Variants in SLC49A3 observed in about 807,000 individuals in gnomAD.
SLC49A3 encodes the protein solute carrier family 49 member A3.
A neutral mutation model predicts 43.8 loss-of-function variants in SLC49A3; 50 were observed. The observed-to-expected ratio is 1.14, with a 90% CI of 0.91 to 1.45. The LOEUF (loss-of-function observed/expected upper bound fraction) is 1.45. Ranked by LOEUF, SLC49A3 falls within the 40% of genes most tolerant of loss-of-function variation. SLC49A3 has a pLI of 0.00. For missense variants in SLC49A3, 906 were observed against 774.1 expected (o/e 1.17, Z -2.02); for synonymous variants, 413 against 352.0 (o/e 1.17, Z -1.94).
downstream of SLC49A3, chr4:680,532 C>T: frequency 6.2e-7 from 1 of 1,613,542 alleles, no homozygotes; most frequent in Non-Finnish European, 8.5e-7. Flanking sequence ...GGAGACCATT[C>T]TTAACGCCTT....
At chr4:687,491 C>T (rs1356007197) in intron 1 of SLC49A3, among the ~76,000 whole-genome samples, 3 of 152,196 alleles carry the variant, frequency 2.0e-5, no homozygotes, top group East Asian at 1.9e-4. Context: ...AGGCACAGAA[C>T]GAGCTCCCCA....
rs749478812 is a variant in SLC49A3 at position 687,581 on chromosome 4, C to T, written c.136-891G>A. Among the ~76,000 whole-genome samples, 4 of 152,228 alleles carry T rather than the reference C, an allele frequency of 2.6e-5. No individual in the cohort carries two copies. In the East Asian group the frequency reaches 7.7e-4, roughly 29 times the overall value. On this transcript the variant is annotated intron_variant, in intron 1 of 9. Coordinates refer to ENST00000322224, the MANE Select transcript of SLC49A3 (RefSeq NM_032219.4). ...GCCGAGCCCGCCGCTCCAGCCTCAG[C>T]CCTGTCCTGGTTCCTCGGGGGCCTG...
chr4:686,527 C>T lies in SLC49A3; in HGVS notation c.294+5G>A. On this transcript the variant is annotated splice_donor_5th_base_variant and intron_variant, in intron 2 of 9. Transcript: ENST00000322224. ...GAGCGGGCCATGGTGTGGGGTCTGA[C>T]TCACCGCCGCACGGAGCCCGACGGA... 1.9e-6 allele frequency: 3 copies of T among 1,611,244 alleles called. No homozygotes were observed. The highest frequency in any genetic ancestry group is 1.7e-6 in the Non-Finnish European group (2 of 1,179,236).
rs962270980 is a variant in SLC49A3 at position 686,825 on chromosome 4, C to A, written c.136-135G>T. 24 of 1,161,200 alleles carry A rather than the reference C, an allele frequency of 2.1e-5. No homozygotes were observed. The African/African-American group carries it at 3.7e-4, about 18-fold the overall frequency. The allele number at this position is 1,161,200 out of a possible 1,614,324, so 71.9% of individuals were successfully genotyped here. On this transcript the variant is annotated intron_variant, in intron 1 of 9. Coordinates refer to ENST00000322224, the MANE Select transcript of SLC49A3 (RefSeq NM_032219.4). ...GGGACACAGCGAGCTGGACACGGGG[C>A]CTTCCTGCCCAAGGAGAGCGCCACC...
downstream of SLC49A3, chr4:681,242 T>C: frequency 7.0e-7 from 1 of 1,419,980 alleles, no homozygotes; most frequent in Non-Finnish European, 9.6e-7. Context: ...AGCGCCGCGG[T>C]TAGGACCCAG....
chr4:682,998 C>A (rs1740122148), intron 8 of SLC49A3, 108 bp from the exon 9 acceptor site: 1 of 1,159,078 alleles, frequency 8.6e-7, no homozygotes, highest in Non-Finnish European at 1.2e-6. Flanking sequence ...CACCACCCTC[C>A]TGAAGGCAGC....
chr4:688,353 C>T (rs1741458404), intron 1 of SLC49A3, among the ~76,000 whole-genome samples: 1 of 152,166 alleles, frequency 6.6e-6, no homozygotes, highest in Non-Finnish European at 1.5e-5. Flanking sequence ...AGAGTGACTC[C>T]TGCCCCTGCC....
chr4:679,801 C>A (rs1279604197), downstream of SLC49A3: 2 of 866,598 alleles, frequency 2.3e-6, no homozygotes, highest in Admixed American at 4.8e-5. Flanking sequence ...GTCTCCTTCC[C>A]GCTCCCTCCC....
In SLC49A3 at chr4:683,287, G is replaced by A. The variant is rs751871043; in HGVS notation, c.1074C>T (p.Pro358=). 6.2e-6 allele frequency: 10 copies of A among 1,612,680 alleles called. No homozygotes were observed. Among genetic ancestry groups the A allele is most frequent in the East Asian group, 2.2e-5 (1 of 44,872 alleles). ...LLGLFGFSVG[P]VAMELAVECS... ...ACTCGACCGCCAACTCCATGGCCAC[G>A]GGGCCCACCGAGAAGCCAAACAGCC... Residue 358 remains proline (P), a synonymous_variant, in exon 8 of 10, where the codon CCC becomes CCT. Coordinates refer to ENST00000322224, the MANE Select transcript of SLC49A3 (RefSeq NM_032219.4).
Position 686,532 on chromosome 4 carries a change from C to T in SLC49A3, c.294G>A (p.Ala98=), listed in dbSNP as rs199585186. 125 of 1,611,770 alleles carry T rather than the reference C, an allele frequency of 7.8e-5. 1 individual carries two copies. The Admixed American group carries it at 1.9e-3, about 25-fold the overall frequency. The change falls in exon 2 of 10, where the codon GCG becomes GCA. Residue 98 remains alanine (A), a splice_region_variant and synonymous_variant. Transcript: ENST00000322224. The part of the protein sequence containing the change: ...WILDSVGLRA[A]TILGAWLNFA... ...GGCCATGGTGTGGGGTCTGACTCAC[C>T]GCCGCACGGAGCCCGACGGAGTCCA...
rs777060520 is a variant in SLC49A3 at position 686,740 on chromosome 4, C to T, written c.136-50G>A. On this transcript the variant is annotated intron_variant, in intron 1 of 9. Coordinates refer to ENST00000322224, the MANE Select transcript of SLC49A3 (RefSeq NM_032219.4). Reference sequence around the variant, plus strand: ...CGCAGGGCCACAGACCCCGGACCTACCTGCTGTGGCCCCAGCCAGCCCGAG... The same window carrying T: ...CGCAGGGCCACAGACCCCGGACCTATCTGCTGTGGCCCCAGCCAGCCCGAG... The T allele has an allele frequency of 5.1e-6, 8 of 1,576,408 alleles. No individual in the cohort carries two copies. In the South Asian group the frequency reaches 8.0e-5, roughly 16 times the overall value.
chr4:684,815 C>A lies in SLC49A3; in HGVS notation c.627G>T (p.Leu209=). 1 of 1,612,560 alleles carries A rather than the reference C, an allele frequency of 6.2e-7. No homozygotes were observed. Among genetic ancestry groups the A allele is most frequent in the Non-Finnish European group, 8.5e-7 (1 of 1,179,902 alleles). Residue 209 remains leucine (L), a synonymous_variant, in exon 5 of 10, where the codon CTG becomes CTT. Transcript: ENST00000322224. The stretch of plus-strand genomic sequence containing the variant: ...CACTCTCCCACAGGCAGATGGTGGA[C>A]AGCAGGCAGACGACGCCAGCAGGGA... The part of the protein sequence containing the change: ...YTIPAGVVCL[L]STICLWESVP...
At chr4:680,727 C>A, downstream of SLC49A3, 6 of 844,692 alleles carry the variant, frequency 7.1e-6, no homozygotes, top group Non-Finnish European at 1.1e-5. Flanking sequence ...GAGGAGCGAA[C>A]CCAGGATCCC....
intron 9 of SLC49A3, 93 bp from the exon 10 acceptor site, chr4:682,469 T>A (rs1346680927): frequency 8.1e-7 from 1 of 1,235,260 alleles, no homozygotes; most frequent in African/African-American, 1.5e-5. Context: ...CCCACTACCC[T>A]TGACCACAGA....
At chr4:682,424 C>G (rs1439327654) in intron 9 of SLC49A3, 48 bp from the exon 10 acceptor site, 12 of 1,311,692 alleles carry the variant, frequency 9.1e-6, no homozygotes, top group Non-Finnish European at 1.1e-5. Flanking sequence ...CCAGGGGCCA[C>G]AGATGGGCAG....
chr4:683,707 G>C lies in SLC49A3; in HGVS notation c.895C>G (p.Leu299Val). ...CGGTCCACATAGGGGCCGAGAGCCAGTGCCCCCAGGATCCCAAACGTGATG... is the reference window on the plus strand; with the variant it reads ...CGGTCCACATAGGGGCCGAGAGCCACTGCCCCCAGGATCCCAAACGTGATG... ...LFITFGILGA[L>V]ALGPYVDRTK... is the part of the protein sequence containing the mutation. Residue 299 changes from leucine (L) to valine (V), a missense_variant, in exon 7 of 10, where the codon CTG becomes GTG. Coordinates refer to ENST00000322224, the MANE Select transcript of SLC49A3 (RefSeq NM_032219.4). The C allele has an allele frequency of 6.3e-7, 1 of 1,597,028 alleles. No homozygotes were observed. The highest frequency in any genetic ancestry group is 8.5e-7 in the Non-Finnish European group (1 of 1,172,028).
chr4:689,177 T>C, upstream of SLC49A3: 30 of 1,239,162 alleles, frequency 2.4e-5, no homozygotes, highest in Non-Finnish European at 2.9e-5. Context: ...CGCCCGGGCT[T>C]AAGGACCTTC....
downstream of SLC49A3, among the ~76,000 whole-genome samples, chr4:677,379 G>A (rs1339979835): frequency 6.6e-6 from 1 of 152,192 alleles, no homozygotes; most frequent in Non-Finnish European, 1.5e-5. Flanking sequence ...CCAGGCTCAG[G>A]GCCCTAGAGT....
downstream of SLC49A3, chr4:681,273 G>C: frequency 2.8e-6 from 3 of 1,068,010 alleles, no homozygotes; most frequent in Non-Finnish European, 4.0e-6. Flanking sequence ...GCCCCCGGGG[G>C]GCTCCCGAAG....
Sources: gnomAD v4.1 joint callset for allele counts (sites outside exome capture counted in the v4.1 genomes callset) on GRCh38, gnomAD v4.1.1 for gene constraint, MANE v1.5 for transcripts, NCBI Gene and HGNC (gene_info 2026-07-23, HGNC 2026-07-21) for gene names.